Variants in SCAPER observed in about 807,000 individuals in gnomAD.
SCAPER encodes the protein S-phase cyclin A associated protein in the ER.
Under a neutral mutation model 182.2 loss-of-function variants are expected in SCAPER, and 98 were observed. That is an observed-to-expected ratio of 0.54 (90% confidence interval 0.46 to 0.64). The LOEUF (loss-of-function observed/expected upper bound fraction) is 0.64, where lower values mean the gene tolerates loss of function less well. SCAPER is among the 30% of genes least tolerant of loss of function. The pLI is 0.00. For synonymous variants in SCAPER, 605 were observed against 564.6 expected (o/e 1.07, Z -1.01); for missense variants, 1,432 against 1,690.0 (o/e 0.85, Z 2.68).
chr15:76,587,695 G>T (rs1217371350), intron 22 of SCAPER, among the ~76,000 whole-genome samples: 3 of 152,050 alleles, frequency 2.0e-5, no homozygotes, highest in Non-Finnish European at 4.4e-5. Context: ...TTGTTTTGTG[G>T]CCTATCATAT....
At chr15:76,612,172 T>A (rs1313111880) in intron 22 of SCAPER, among the ~76,000 whole-genome samples, 1 of 152,206 alleles carries the variant, frequency 6.6e-6, no homozygotes, top group Non-Finnish European at 1.5e-5. Flanking sequence ...TGTTTGCAGA[T>A]AACATGATCC....
intron 26 of SCAPER, among the ~76,000 whole-genome samples, chr15:76,421,405 A>T (rs946621075): frequency 1.3e-3 from 192 of 151,994 alleles, no homozygotes; most frequent in African/African-American, 4.5e-3. Context: ...GTCTGTTGGC[A>T]GCATAAATGT....
In SCAPER at chr15:76,721,935, C is replaced by T. The variant is rs1217915966; in HGVS notation, c.2165+6660G>A. Among the ~76,000 whole-genome samples the T allele has an allele frequency of 8.5e-5, 13 of 152,212 alleles. No individual in the cohort carries two copies. The South Asian group carries it at 1.0e-3, about 12-fold the overall frequency. On this transcript the variant is annotated intron_variant, in intron 17 of 31. Transcript: ENST00000563290. ...CCCTTTATTTCCTTCTCCTGTCTGA[C>T]TGCCCTGGCCAGAACTTCCAACACT... is the stretch of plus-strand genomic sequence containing the variant.
At chr15:76,713,034 C>T (rs1598316880) in intron 17 of SCAPER, among the ~76,000 whole-genome samples, 1 of 152,032 alleles carries the variant, frequency 6.6e-6, no homozygotes, top group African/African-American at 2.4e-5. Flanking sequence ...AAAGGGAATG[C>T]TTCCAGTTTT....
chr15:76,792,150 A>T (rs933431900), intron 8 of SCAPER, among the ~76,000 whole-genome samples: 2 of 151,968 alleles, frequency 1.3e-5, no homozygotes, highest in East Asian at 3.9e-4. Context: ...TCCAAAAAAA[A>T]TGATTTTAAA....
At chr15:76,734,615 C>T (rs746625011) in intron 15 of SCAPER, among the ~76,000 whole-genome samples, 6 of 151,936 alleles carry the variant, frequency 3.9e-5, no homozygotes, top group African/African-American at 1.2e-4. Context: ...GTGGTGGCTA[C>T]GCCTGTAATG....
At chr15:76,360,127 A>G (rs963018506) in intron 29 of SCAPER, among the ~76,000 whole-genome samples, 1 of 152,234 alleles carries the variant, frequency 6.6e-6, no homozygotes, top group Non-Finnish European at 1.5e-5. Flanking sequence ...TGGTCTGGTT[A>G]TAAGAGTTCT....
At chr15:76,597,898 C>A (rs1646543141) in intron 22 of SCAPER, among the ~76,000 whole-genome samples, 1 of 120,648 alleles carries the variant, frequency 8.3e-6, no homozygotes, top group African/African-American at 2.5e-5. Context: ...TGGGCAAAGA[C>A]TTCATGACTA....
chr15:76,402,921 A>G (rs1269175461), intron 27 of SCAPER, among the ~76,000 whole-genome samples: 2 of 152,114 alleles, frequency 1.3e-5, no homozygotes, highest in Non-Finnish European at 2.9e-5. Context: ...TTTAAATTCC[A>G]TAGATTTTAA....
At chr15:76,398,447 A>T (rs2044234049) in intron 27 of SCAPER, among the ~76,000 whole-genome samples, 2 of 152,178 alleles carry the variant, frequency 1.3e-5, no homozygotes, top group South Asian at 4.1e-4. Context: ...CTTTCTCCCA[A>T]TCCTAGCACA....
chr15:76,695,171 CTT>C (rs2147178848), intron 20 of SCAPER, among the ~76,000 whole-genome samples: 1 of 152,268 alleles, frequency 6.6e-6, no homozygotes, highest in South Asian at 2.1e-4. Context: ...TCTAAGGTCA[CTT>C]TGCACTCCGA....
At chr15:76,492,091 A>C (rs2052376555) in intron 24 of SCAPER, among the ~76,000 whole-genome samples, 1 of 152,166 alleles carries the variant, frequency 6.6e-6, no homozygotes, top group South Asian at 2.1e-4. Flanking sequence ...CACATTTATT[A>C]ACTGTTTTAT....
At chr15:76,440,918 G>GTTTTTT (rs1187911987) in intron 25 of SCAPER, among the ~76,000 whole-genome samples, 1 of 62,652 alleles carries the variant, frequency 1.6e-5, no homozygotes, top group Non-Finnish European at 2.9e-5. Flanking sequence ...TTTTTTTTTT[G>GTTTTTT]TTTTTTTTTT....
rs1185467773 is a variant in SCAPER, at chr15:76,574,321, G to A, written c.2712-37C>T. 20 of 1,599,456 alleles carry A rather than the reference G, an allele frequency of 1.3e-5. No homozygotes were observed. The Middle Eastern group carries it at 5.0e-4, about 40-fold the overall frequency. ...AATGAAAGGAAAGAATGACATTAATGAAACAGACTATAATCTTCATTTCCC... is the reference window on the plus strand; with the variant it reads ...AATGAAAGGAAAGAATGACATTAATAAAACAGACTATAATCTTCATTTCCC... On this transcript the variant is annotated intron_variant, in intron 22 of 31. Coordinates refer to ENST00000563290, the MANE Select transcript of SCAPER (RefSeq NM_020843.4).
chr15:76,568,889 A>C (rs1462558098), intron 23 of SCAPER, among the ~76,000 whole-genome samples: 1 of 151,920 alleles, frequency 6.6e-6, no homozygotes, highest in African/African-American at 2.4e-5. Flanking sequence ...TATTTTGATA[A>C]TATATAAATA....
intron 5 of SCAPER, among the ~76,000 whole-genome samples, chr15:76,839,449 A>G (rs1432324916): frequency 6.6e-6 from 1 of 152,248 alleles, no homozygotes; most frequent in Non-Finnish European, 1.5e-5. Context: ...AAAGCAAAAC[A>G]AAACAAGAAA....
At chr15:76,891,408 T>C (rs1215670204) in intron 1 of SCAPER, among the ~76,000 whole-genome samples, 2 of 152,280 alleles carry the variant, frequency 1.3e-5, no homozygotes, top group East Asian at 3.9e-4. Flanking sequence ...CATGATTATA[T>C]ATTTAGAAAA....
chr15:76,862,807 G>A (rs1204406785), intron 2 of SCAPER, among the ~76,000 whole-genome samples: 1 of 152,108 alleles, frequency 6.6e-6, no homozygotes, highest in Non-Finnish European at 1.5e-5. Flanking sequence ...CACTGCTGTG[G>A]ACTAATATCT....
At chr15:76,387,846 G>C (rs1596385200) in intron 27 of SCAPER, among the ~76,000 whole-genome samples, 1 of 152,206 alleles carries the variant, frequency 6.6e-6, no homozygotes, top group Non-Finnish European at 1.5e-5. Flanking sequence ...CTTAAGATGG[G>C]AAGAGGGTAA....
Sources: allele counts gnomAD v4.1 joint callset (sites outside exome capture counted in the v4.1 genomes callset), GRCh38; gene constraint gnomAD v4.1.1; transcripts MANE v1.5; gene names NCBI Gene and HGNC (gene_info 2026-07-23, HGNC 2026-07-21).